Variants in NHSL3 observed in about 807,000 individuals in gnomAD.
NHSL3 encodes NHS like 3, also known as NHS-like protein 3.
chr1:32,769,468 A>G, the NHSL3 span, among the ~76,000 whole-genome samples: 2 of 152,236 alleles, frequency 1.3e-5, no homozygotes, highest in Non-Finnish European at 2.9e-5. Flanking sequence ...ATAGTAAGCT[A>G]TCACTAAAGG....
chr1:32,760,515 C>T, the NHSL3 span, among the ~76,000 whole-genome samples: 2 of 151,854 alleles, frequency 1.3e-5, no homozygotes, highest in African/African-American at 2.4e-5. Context: ...CTGTGTGGGT[C>T]TGTGCGGTCG....
the NHSL3 span, among the ~76,000 whole-genome samples, chr1:32,748,872 T>C: frequency 6.6e-6 from 1 of 152,068 alleles, no homozygotes; most frequent in Non-Finnish European, 1.5e-5. Context: ...TGTGACAGGG[T>C]GGCTGCTCTG....
the NHSL3 span, chr1:32,772,296 C>A: frequency 6.5e-7 from 1 of 1,541,738 alleles, no homozygotes; most frequent in Non-Finnish European, 9.0e-7. Flanking sequence ...CCGCCTCCCC[C>A]AGTTACCCTC....
At chr1:32,753,287 C>T in the NHSL3 span, among the ~76,000 whole-genome samples, 2 of 151,802 alleles carry the variant, frequency 1.3e-5, no homozygotes, top group African/African-American at 4.8e-5. Context: ...GAGTTTGAGA[C>T]CAGCCTGAAC....
the NHSL3 span, chr1:32,769,731 G>C: frequency 6.2e-7 from 1 of 1,613,868 alleles, no homozygotes; most frequent in Non-Finnish European, 8.5e-7. Context: ...GGCGGCGTCG[G>C]CGGGAGCGGC....
the NHSL3 span, among the ~76,000 whole-genome samples, chr1:32,766,353 T>C: frequency 6.6e-6 from 1 of 152,144 alleles, no homozygotes; most frequent in East Asian, 1.9e-4. Context: ...AAGAGTTTAT[T>C]GGACTTTTGA....
the NHSL3 span, among the ~76,000 whole-genome samples, chr1:32,748,400 CTG>C: frequency 3.9e-5 from 6 of 152,152 alleles, no homozygotes; most frequent in Non-Finnish European, 8.8e-5. Context: ...AGTCAAGTCT[CTG>C]GGGTCGTGGG....
the NHSL3 span, chr1:32,769,733 G>A: frequency 1.1e-5 from 18 of 1,613,958 alleles, no homozygotes; most frequent in African/African-American, 1.2e-4. Flanking sequence ...CGGCGTCGGC[G>A]GGAGCGGCGG....
chr1:32,752,041 C>T, the NHSL3 span, among the ~76,000 whole-genome samples: 2 of 152,182 alleles, frequency 1.3e-5, no homozygotes, highest in Non-Finnish European at 2.9e-5. Flanking sequence ...GCCCCAGTTT[C>T]CCTATCTATA....
the NHSL3 span, chr1:32,770,808 A>G: frequency 6.3e-7 from 1 of 1,596,608 alleles, no homozygotes; most frequent in Non-Finnish European, 8.5e-7. This position sits in a 1 kb window ranked among gnomAD's most constrained non-coding sequence, Gnocchi z 8.3. Context: ...GTGGCTCAGA[A>G]GGGGCGGGGG....
chr1:32,774,844 A>ATATT, the NHSL3 span: 1 of 152,506 alleles, frequency 6.6e-6, no homozygotes, highest in East Asian at 1.9e-4. Flanking sequence ...ATACATATAT[A>ATATT]TATTTCTTTA....
chr1:32,750,680 GTAT>G, the NHSL3 span, among the ~76,000 whole-genome samples: 8 of 151,254 alleles, frequency 5.3e-5, no homozygotes, highest in Non-Finnish European at 1.2e-4. Context: ...GCAAATTTTT[GTAT>G]TTTTAGTAGA....
chr1:32,771,654 G>C, the NHSL3 span: 1 of 1,611,870 alleles, frequency 6.2e-7, no homozygotes, highest in Non-Finnish European at 8.5e-7. Flanking sequence ...CTACTGCTTT[G>C]CAGATTCAGC....
At chr1:32,765,716 C>G in the NHSL3 span, 12 of 1,544,640 alleles carry the variant, frequency 7.8e-6, no homozygotes, top group Admixed American at 2.0e-5. Context: ...GCCCCGCGCT[C>G]TGCTCTGGAG....
At chr1:32,756,411 G>A in the NHSL3 span, among the ~76,000 whole-genome samples, 1 of 149,750 alleles carries the variant, frequency 6.7e-6, no homozygotes, top group Non-Finnish European at 1.5e-5. Flanking sequence ...TTGGGAGGCC[G>A]AGATGGGAGG....
chr1:32,768,095 A>G, the NHSL3 span: 2 of 1,612,826 alleles, frequency 1.2e-6, no homozygotes, highest in Non-Finnish European at 1.7e-6. Flanking sequence ...GGCTGGGACC[A>G]TGGAGACACC....
chr1:32,742,009 G>A, the NHSL3 span: 3 of 1,226,404 alleles, frequency 2.4e-6, no homozygotes, highest in South Asian at 3.6e-5. Flanking sequence ...GGGGAACCCG[G>A]GCGGCCCCCC....
At chr1:32,742,013 GC>G in the NHSL3 span, 3 of 1,230,474 alleles carry the variant, frequency 2.4e-6, no homozygotes, top group Non-Finnish European at 3.0e-6. Context: ...AACCCGGGCG[GC>G]CCCCCGCGCA....
the NHSL3 span, chr1:32,767,702 C>T: frequency 9.0e-6 from 11 of 1,225,790 alleles, no homozygotes; most frequent in South Asian, 1.6e-4. Context: ...AGTCTGGGGA[C>T]CATGACTGCC....
Sources: gnomAD v4.1 joint callset for allele counts (sites outside exome capture counted in the v4.1 genomes callset) on GRCh38, gnomAD v4.1.1 for gene constraint, Gnocchi (gnomAD v3.1) non-coding constraint, MANE v1.5 for transcripts, NCBI Gene and HGNC (gene_info 2026-07-23, HGNC 2026-07-21) for gene names.